The following ZMYM4 variants were observed in gnomAD, a reference collection of about 807,000 sequenced individuals.
ZMYM4 encodes the protein zinc finger MYM-type containing 4.
ZMYM4 carries 31 observed loss-of-function variants against 183.2 expected under a neutral mutation model. The observed-to-expected ratio is 0.17, with a 90% CI of 0.13 to 0.23. The LOEUF is 0.23. Among genes scored for constraint, ZMYM4 ranks in the 10% least tolerant of loss-of-function variants. The pLI is 1.00. For synonymous variants in ZMYM4, 592 were observed against 631.2 expected (o/e 0.94, Z 0.93); for missense variants, 1,273 against 1,840.3 (o/e 0.69, Z 5.64).
intron 2 of ZMYM4, among the ~76,000 whole-genome samples, chr1:35,349,520 T>G (rs1354333459): frequency 6.6e-6 from 1 of 152,124 alleles, no homozygotes; most frequent in Non-Finnish European, 1.5e-5. Flanking sequence ...AGTCAGATCA[T>G]CCCTTAGAAA....
rs184599385 is a variant in ZMYM4, at chr1:35,317,682, A to T, written c.40-7678A>T. Among the ~76,000 whole-genome samples the T allele has an allele frequency of 3.9e-3, 598 of 152,300 alleles. 3 individuals are homozygous for T. The highest frequency in any genetic ancestry group is 4.8e-3 in the Non-Finnish European group (329 of 68,028). On this transcript the variant is annotated intron_variant, in intron 1 of 29. Coordinates refer to ENST00000314607, the MANE Select transcript of ZMYM4 (RefSeq NM_005095.3). ...GGTAAAGATGCTAGAACAGATCGGG[A>T]TGCTGCTGTGAAATTTGTGCCCAGA...
At chr1:35,326,771 A>T (rs1218122738) in intron 2 of ZMYM4, among the ~76,000 whole-genome samples, 2 of 152,218 alleles carry the variant, frequency 1.3e-5, no homozygotes, top group African/African-American at 4.8e-5. Context: ...GGGATGTGGG[A>T]GGAATCTAGA....
intron 28 of ZMYM4, among the ~76,000 whole-genome samples, chr1:35,416,365 C>G (rs1285739828): frequency 6.6e-6 from 1 of 152,158 alleles, no homozygotes; most frequent in African/African-American, 2.4e-5. Context: ...AAATCAGTTT[C>G]TGAGAGTGAA....
rs1378530115 is a variant in ZMYM4, at chr1:35,420,522, G to A, written c.*845G>A. 1 of 152,618 alleles carries A rather than the reference G, an allele frequency of 6.6e-6. No individual in the cohort carries two copies. The allele number at this position is 152,618 out of a possible 1,614,324, so 9.5% of individuals were successfully genotyped here. ...TTATTGCAGCTGTCTCACAGCCTGAGCTGTGGTACAGAGAAATGGGGGTTC... is the reference window on the plus strand; with the variant it reads ...TTATTGCAGCTGTCTCACAGCCTGAACTGTGGTACAGAGAAATGGGGGTTC... On this transcript the variant is annotated 3_prime_UTR_variant, in exon 30 of 30. Transcript: ENST00000314607.
At chr1:35,351,511 G>A (rs1643606899) in intron 2 of ZMYM4, 2 of 1,415,134 alleles carry the variant, frequency 1.4e-6, no homozygotes, top group Non-Finnish European at 2.0e-6. Context: ...AGAAGAGGTG[G>A]AACCATCCCA....
intron 3 of ZMYM4, among the ~76,000 whole-genome samples, chr1:35,360,196 A>G (rs1411824785): frequency 6.6e-6 from 1 of 152,028 alleles, no homozygotes; most frequent in Non-Finnish European, 1.5e-5. Context: ...TTCCTTATCT[A>G]TATTTCCACA....
chr1:35,306,609 T>C (rs181139044), intron 1 of ZMYM4, among the ~76,000 whole-genome samples: 170 of 152,368 alleles, frequency 1.1e-3, no homozygotes, highest in South Asian at 2.1e-3. Flanking sequence ...ATTATGGCTC[T>C]ACTTAAAATT....
At position 35,387,513 on chromosome 1, in the gene ZMYM4, T is replaced by A; in HGVS notation, c.2172T>A (p.Asn724Lys). The A allele has an allele frequency of 6.2e-7, 1 of 1,613,430 alleles. No homozygotes were observed. The highest frequency in any genetic ancestry group is 8.5e-7 in the Non-Finnish European group (1 of 1,179,814). Residue 724 changes from asparagine to lysine, a missense_variant, in exon 13 of 30, where the codon AAT becomes AAA. Coordinates refer to ENST00000314607, the MANE Select transcript of ZMYM4 (RefSeq NM_005095.3). ...CTGATGAATATAAGAAAATAAATAA[T>A]GTAATGGCAATGTGTGAATATTGTA... ...NCSDEYKKIN[N>K]VMAMCEYCKI... is the part of the protein sequence containing the mutation.
Position 35,385,489 on chromosome 1 carries a change from C to A in ZMYM4, c.1617C>A (p.Ser539=). The change falls in exon 10 of 30, where the codon TCC becomes TCA. Residue 539 remains serine (S), a synonymous_variant. Transcript: ENST00000314607. ...TPCALCKSLR[S]SAEMIENTNS... is the part of the protein sequence containing the mutation. ...GTGCGCTTTGCAAATCATTGAGATC[C>A]TCAGCAGAAATGATTGAAAATACCA... is the stretch of plus-strand genomic sequence containing the variant. The A allele has an allele frequency of 6.2e-7, 1 of 1,613,174 alleles. No individual in the cohort carries two copies. The highest frequency in any genetic ancestry group is 8.5e-7 in the Non-Finnish European group (1 of 1,179,724).
At chr1:35,293,243 G>C (rs1028538613) in intron 1 of ZMYM4, among the ~76,000 whole-genome samples, 2 of 151,978 alleles carry the variant, frequency 1.3e-5, no homozygotes, top group South Asian at 4.2e-4. Flanking sequence ...GGGCTCAAAT[G>C]ATCCTCCTGC....
chr1:35,296,924 A>G (rs538700325), intron 1 of ZMYM4, among the ~76,000 whole-genome samples: 2 of 130,690 alleles, frequency 1.5e-5, no homozygotes, highest in East Asian at 4.8e-4. Context: ...ATCTTGGCTC[A>G]CTGCAACCTC....
intron 2 of ZMYM4, among the ~76,000 whole-genome samples, chr1:35,346,524 G>C (rs1445670446): frequency 6.6e-6 from 1 of 151,762 alleles, no homozygotes; most frequent in Non-Finnish European, 1.5e-5. Context: ...GATGGCGTAC[G>C]CCTGTAATCC....
intron 2 of ZMYM4, among the ~76,000 whole-genome samples, chr1:35,329,558 A>G (rs1642645676): frequency 1.3e-5 from 2 of 152,252 alleles, no homozygotes; most frequent in South Asian, 2.1e-4. Context: ...TTTATTGAAC[A>G]TAACAGACTT....
intron 3 of ZMYM4, among the ~76,000 whole-genome samples, chr1:35,360,168 C>A (rs1269603919): frequency 6.6e-6 from 1 of 152,052 alleles, no homozygotes; most frequent in African/African-American, 2.4e-5. Flanking sequence ...ATTCTAACTG[C>A]TCTACATCAA....
chr1:35,337,459 C>G (rs1424268357), intron 2 of ZMYM4, among the ~76,000 whole-genome samples: 2 of 152,132 alleles, frequency 1.3e-5, no homozygotes, highest in Non-Finnish European at 2.9e-5. Flanking sequence ...ATTATTCTTG[C>G]ATATGTTTCT....
intron 1 of ZMYM4, among the ~76,000 whole-genome samples, chr1:35,286,241 G>A (rs755846752): frequency 5.3e-5 from 8 of 151,880 alleles, no homozygotes; most frequent in Non-Finnish European, 1.2e-4. Flanking sequence ...TTGTATTTAT[G>A]TACACTAGAA....
intron 1 of ZMYM4, among the ~76,000 whole-genome samples, chr1:35,290,255 A>G (rs1427205100): frequency 6.6e-6 from 1 of 152,188 alleles, no homozygotes; most frequent in Non-Finnish European, 1.5e-5. Context: ...GGCGTGAGCC[A>G]TCTCTCCTGG....
At chr1:35,350,807 AT>A in intron 2 of ZMYM4, 1 of 510,686 alleles carries the variant, frequency 2.0e-6, no homozygotes, top group Non-Finnish European at 3.6e-6. Context: ...GGTAAAACTG[AT>A]TACTATGCTT....
chr1:35,286,122 A>G (rs1032017914), intron 1 of ZMYM4, among the ~76,000 whole-genome samples: 1 of 152,216 alleles, frequency 6.6e-6, no homozygotes, highest in East Asian at 1.9e-4. Flanking sequence ...TAAAGGTGAC[A>G]TGATCTTATA....
Sources: gnomAD v4.1 joint callset for allele counts (sites outside exome capture counted in the v4.1 genomes callset) on GRCh38, gnomAD v4.1.1 for gene constraint, MANE v1.5 for transcripts, NCBI Gene and HGNC (gene_info 2026-07-23, HGNC 2026-07-21) for gene names.